Variants in PCDHA7 observed in about 807,000 individuals in gnomAD.
PCDHA7 encodes the protein protocadherin alpha-7.
PCDHA7 carries 37 observed loss-of-function variants against 57.2 expected under a neutral mutation model. The ratio of observed to expected loss-of-function variants is 0.65; its 90% confidence interval spans 0.50 to 0.85. The LOEUF is 0.85. Ranked by LOEUF, PCDHA7 falls within the 40% of genes least tolerant of loss-of-function variation. The pLI is 0.00. For synonymous variants in PCDHA7, 553 were observed against 558.8 expected, an observed-to-expected ratio of 0.99 and a Z score of 0.15; for missense variants, 1,188 against 1,241.8, an observed-to-expected ratio of 0.96 and a Z score of 0.65.
At chr5:140,917,941 T>C (rs1415827294) in intron 1 of PCDHA7, among the ~76,000 whole-genome samples, 1 of 152,146 alleles carries the variant, frequency 6.6e-6, no homozygotes, top group Non-Finnish European at 1.5e-5. Flanking sequence ...ATAATATTGG[T>C]AGTTTGATAG....
Position 140,996,899 on chromosome 5 carries a change from C to T in PCDHA7, c.2504-12728C>T, listed in dbSNP as rs529654978. Among the ~76,000 whole-genome samples, 7 of 152,226 alleles carry T rather than the reference C, an allele frequency of 4.6e-5. No individual in the cohort carries two copies. The South Asian group carries it at 1.4e-3, about 32-fold the overall frequency. ...TGTATTTTTAAATAAAATAGAATTA[C>T]ATTGTTGAAGTAAATATTAAAAAAT... is the stretch of plus-strand genomic sequence containing the variant. On this transcript the variant is annotated intron_variant, in intron 3 of 3. Transcript: ENST00000525929.
Position 140,857,539 on chromosome 5 carries a change from G to A in PCDHA7, c.2355+20801G>A, listed in dbSNP as rs782469087. The A allele has an allele frequency of 1.3e-5, 20 of 1,597,384 alleles. 1 individual carries two copies. Among genetic ancestry groups the A allele is most frequent in the Non-Finnish European group, 1.7e-5 (20 of 1,167,720 alleles). ...TGTCCTACTCTCTGGTGGAGCGGCG[G>A]TTGGGCGAGCGCTCGCTGTCGAGCT... On this transcript the variant is annotated intron_variant, in intron 1 of 3. Coordinates refer to ENST00000525929, the MANE Select transcript of PCDHA7 (RefSeq NM_018910.3).
At chr5:140,957,221 C>T (rs1171404836) in intron 1 of PCDHA7, among the ~76,000 whole-genome samples, 3 of 151,984 alleles carry the variant, frequency 2.0e-5, no homozygotes, top group Non-Finnish European at 4.4e-5. Flanking sequence ...AAAAATTTGG[C>T]GAAGCATTTT....
chr5:140,842,064 A>G lies in PCDHA7; in HGVS notation c.2355+5326A>G, dbSNP rs200994582. 183 of 1,613,874 alleles carry G rather than the reference A, an allele frequency of 1.1e-4. 1 individual carries two copies. The highest frequency in any genetic ancestry group is 6.6e-4 in the Middle Eastern group (4 of 6,062). On this transcript the variant is annotated intron_variant, in intron 1 of 3. Coordinates refer to ENST00000525929, the MANE Select transcript of PCDHA7 (RefSeq NM_018910.3). The stretch of plus-strand genomic sequence containing the variant: ...CCCACTTTCGAACAGTCTGAATACG[A>G]AGTAAGAATATTCGAAAACGCAGAC...
At chr5:141,003,160 C>T (rs1383713910) in intron 3 of PCDHA7, among the ~76,000 whole-genome samples, 3 of 152,200 alleles carry the variant, frequency 2.0e-5, no homozygotes. Context: ...CCTGATCAAT[C>T]CTAGTCCCTG....
intron 1 of PCDHA7, chr5:140,877,704 C>A: frequency 6.2e-7 from 1 of 1,613,954 alleles, no homozygotes; most frequent in Non-Finnish European, 8.5e-7. Context: ...GCTCCAGCGC[C>A]GTGGGGAGTT....
Position 140,923,994 on chromosome 5 carries a change from C to T in PCDHA7, c.2356-54955C>T, listed in dbSNP as rs147193427. ...ACATACTATCCCTCTAGGTGCAGCT[C>T]AGAATTCCTAAACCTGGTATAATTG... On this transcript the variant is annotated intron_variant, in intron 1 of 3. Transcript: ENST00000525929. Among the ~76,000 whole-genome samples the T allele has an allele frequency of 8.1e-3, 1,228 of 152,292 alleles. 6 individuals are homozygous for T. The highest frequency in any genetic ancestry group is 0.019 in the African/African-American group (795 of 41,560).
At chr5:140,923,910 C>T (rs1280601799) in intron 1 of PCDHA7, among the ~76,000 whole-genome samples, 5 of 152,156 alleles carry the variant, frequency 3.3e-5, no homozygotes, top group African/African-American at 1.2e-4. Flanking sequence ...GTGAAGATTT[C>T]CCATACTGTT....
At chr5:140,843,923 C>T (rs1779144561) in intron 1 of PCDHA7, 1 of 599,994 alleles carries the variant, frequency 1.7e-6, no homozygotes, top group Non-Finnish European at 2.9e-6. Context: ...TATCTTGAAA[C>T]TCAAGTTATG....
rs1554134119 is a variant in PCDHA7 at position 140,834,360 on chromosome 5, A to G, written c.-24A>G. The G allele has an allele frequency of 6.5e-7, 1 of 1,549,278 alleles. No individual in the cohort carries two copies. ...AATTCGAAGGCAAGTTTTGCTGACT[A>G]GAAAAACAAGCCAATAATTTGAAAT... On this transcript the variant is annotated 5_prime_UTR_variant, in exon 1 of 4. Transcript: ENST00000525929.
chr5:140,994,717 A>T (rs1350882833), intron 3 of PCDHA7, among the ~76,000 whole-genome samples: 4 of 152,164 alleles, frequency 2.6e-5, no homozygotes, highest in Admixed American at 6.6e-5. Context: ...AAAAAAATTT[A>T]AAATACTGGG....
chr5:140,858,142 G>A lies in PCDHA7; in HGVS notation c.2355+21404G>A, dbSNP rs782422253. 2.5e-6 allele frequency: 4 copies of A among 1,597,702 alleles called. No individual in the cohort carries two copies. The South Asian group carries it at 3.3e-5, about 13-fold the overall frequency. On this transcript the variant is annotated intron_variant, in intron 1 of 3. Transcript: ENST00000525929. The stretch of plus-strand genomic sequence containing the variant: ...CCCTGGTGGATGTCAACGTGTACCT[G>A]ATCATCGCCATCTGCGCGGTGTCCA...
intron 3 of PCDHA7, among the ~76,000 whole-genome samples, chr5:141,005,506 A>G (rs1462164149): frequency 1.3e-5 from 2 of 151,786 alleles, no homozygotes; most frequent in East Asian, 3.9e-4. Flanking sequence ...GATCGAGACC[A>G]TCCTGGCTAA....
intron 1 of PCDHA7, chr5:140,850,222 C>T (rs1554144012): frequency 6.3e-7 from 1 of 1,593,746 alleles, no homozygotes; most frequent in East Asian, 2.2e-5. Flanking sequence ...ACTGACGGCG[C>T]AGTGAGCGAG....
rs2043307910 is a variant in PCDHA7, at chr5:140,855,009, A to C, written c.2355+18271A>C. Among the ~76,000 whole-genome samples the C allele has an allele frequency of 1.3e-5, 2 of 149,938 alleles. 1 individual carries two copies. Among genetic ancestry groups the C allele is most frequent in the Admixed American group, 1.3e-4 (2 of 14,922 alleles). ...CTTTTTGCCCGTGTAAGATATTATA[A>C]AATGAAACTTCTTGTATAAAGGATT... On this transcript the variant is annotated intron_variant, in intron 1 of 3. Coordinates refer to ENST00000525929, the MANE Select transcript of PCDHA7 (RefSeq NM_018910.3).
At chr5:140,996,355 G>A (rs1164124431) in intron 3 of PCDHA7, among the ~76,000 whole-genome samples, 1 of 152,218 alleles carries the variant, frequency 6.6e-6, no homozygotes, top group Non-Finnish European at 1.5e-5. Flanking sequence ...ACCAAAGTCA[G>A]AAGCCATTTT....
chr5:140,850,081 A>G, intron 1 of PCDHA7: 1 of 1,596,386 alleles, frequency 6.3e-7, no homozygotes, highest in South Asian at 1.1e-5. Context: ...GAGGAGCTGG[A>G]GCTGCTACAG....
intron 3 of PCDHA7, among the ~76,000 whole-genome samples, chr5:140,987,422 G>A (rs1554249178): frequency 6.6e-6 from 1 of 152,152 alleles, no homozygotes; most frequent in Non-Finnish European, 1.5e-5. Flanking sequence ...CTTGTGAGAA[G>A]CAGGGGGCCT....
chr5:140,976,952 C>T lies in PCDHA7; in HGVS notation c.2356-1997C>T, dbSNP rs183824. 1.8e-3 allele frequency among the ~76,000 whole-genome samples: 271 copies of T among 152,298 alleles called. 1 individual carries two copies. Among genetic ancestry groups the T allele is most frequent in the African/African-American group, 6.2e-3 (258 of 41,574 alleles). The stretch of plus-strand genomic sequence containing the variant: ...GTAGCTACTTAAAACATATTATATG[C>T]TTTCTTCCTTTCCTTTTCCCTGCCT... On this transcript the variant is annotated intron_variant, in intron 1 of 3. Coordinates refer to ENST00000525929, the MANE Select transcript of PCDHA7 (RefSeq NM_018910.3).
Sources: allele counts gnomAD v4.1 joint callset (sites outside exome capture counted in the v4.1 genomes callset), GRCh38; gene constraint gnomAD v4.1.1; transcripts MANE v1.5; gene names NCBI Gene and HGNC (gene_info 2026-07-23, HGNC 2026-07-21).